The following ITFG1 variants were observed in gnomAD, a reference collection of about 807,000 sequenced individuals.
The protein encoded by ITFG1 is integrin alpha FG-GAP repeat containing 1.
In ITFG1, 34 loss-of-function variants were observed where a neutral mutation model predicts 81.8. The ratio of observed to expected loss-of-function variants is 0.42; its 90% CI spans 0.32 to 0.55. ITFG1 has a LOEUF of 0.55. Among genes scored for constraint, ITFG1 ranks in the 20% least tolerant of loss-of-function variants. The pLI, the probability that ITFG1 is intolerant of heterozygous loss-of-function variation, is 0.17. For synonymous variants in ITFG1, 285 were observed against 270.6 expected (o/e 1.05, Z -0.52); for missense variants, 672 against 755.4 (o/e 0.89, Z 1.29).
intron 13 of ITFG1, among the ~76,000 whole-genome samples, chr16:47,234,300 A>G (rs911368284): frequency 6.6e-6 from 1 of 152,218 alleles, no homozygotes; most frequent in African/African-American, 2.4e-5. Flanking sequence ...AAGCAGAGAG[A>G]TAGAAACTAA....
chr16:47,311,514 T>C, intron 9 of ITFG1, 102 bp from the exon 10 acceptor site: 1 of 860,544 alleles, frequency 1.2e-6, no homozygotes, highest in Non-Finnish European at 1.7e-6. Flanking sequence ...TAAGCATTAT[T>C]TTACTTAACT....
chr16:47,164,885 AG>A (rs1431499063), intron 14 of ITFG1, among the ~76,000 whole-genome samples: 6 of 152,234 alleles, frequency 3.9e-5, no homozygotes, highest in Non-Finnish European at 8.8e-5. Context: ...TCAGTTGAGA[AG>A]GGGGGCAGGA....
intron 8 of ITFG1, among the ~76,000 whole-genome samples, chr16:47,352,317 AG>A (rs1967971657): frequency 6.6e-6 from 1 of 152,240 alleles, no homozygotes; most frequent in Admixed American, 6.5e-5. Flanking sequence ...CATCTGACAA[AG>A]GGGTAATATC....
At chr16:47,343,440 A>T (rs1967810757) in intron 8 of ITFG1, among the ~76,000 whole-genome samples, 1 of 152,120 alleles carries the variant, frequency 6.6e-6, no homozygotes, top group Admixed American at 6.5e-5. Context: ...GTTTACATAG[A>T]TATGTTTAAA....
intron 5 of ITFG1, among the ~76,000 whole-genome samples, chr16:47,441,136 T>C (rs1211308994): frequency 1.3e-5 from 2 of 152,076 alleles, no homozygotes; most frequent in African/African-American, 4.8e-5. Flanking sequence ...CAGGAAGAAG[T>C]TGAATCTCTG....
chr16:47,388,906 C>T lies in ITFG1; in HGVS notation c.656-12966G>A, dbSNP rs752960117. Among the ~76,000 whole-genome samples the T allele has an allele frequency of 7.9e-5, 12 of 152,112 alleles. No individual in the cohort carries two copies. In the South Asian group the frequency reaches 2.1e-3, roughly 26 times the overall value. ...ATTACAGGCCCAGGAAGTTCCTGCA[C>T]GGCTGCAGGGTCACAAGACTGGTAA... On this transcript the variant is annotated intron_variant, in intron 6 of 17. Coordinates refer to ENST00000320640, the MANE Select transcript of ITFG1 (RefSeq NM_030790.5).
intron 10 of ITFG1, among the ~76,000 whole-genome samples, chr16:47,265,807 C>A (rs181177760): frequency 6.6e-6 from 1 of 152,036 alleles, no homozygotes; most frequent in African/African-American, 2.4e-5. Flanking sequence ...ACAAGCCATA[C>A]GTTGTGAGAT....
At chr16:47,282,644 T>C (rs1184268522) in intron 10 of ITFG1, among the ~76,000 whole-genome samples, 3 of 150,826 alleles carry the variant, frequency 2.0e-5, no homozygotes, top group Admixed American at 1.3e-4. Flanking sequence ...GGTAATTCTA[T>C]TTTTAGTTCT....
intron 10 of ITFG1, among the ~76,000 whole-genome samples, chr16:47,271,126 A>G (rs1219947775): frequency 6.6e-6 from 1 of 152,210 alleles, no homozygotes; most frequent in Non-Finnish European, 1.5e-5. Context: ...TAACAAAAAT[A>G]AACTTGACAT....
At position 47,155,746 on chromosome 16, in the gene ITFG1, G is replaced by C; in HGVS notation, c.1812C>G (p.Ala604=). ...ACATAGCATCAAAATGAAACCGGTGGGCTTCTTGTCGTTTTTCTCTATCAT... is the reference window on the plus strand; with the variant it reads ...ACATAGCATCAAAATGAAACCGGTGCGCTTCTTGTCGTTTTTCTCTATCAT... ...KADDREKRQE[A]HRFHFDAM is the part of the protein sequence containing the mutation. The change falls in exon 18 of 18, where the codon GCC becomes GCG. Residue 604 remains alanine, a synonymous_variant. Coordinates refer to ENST00000320640, the MANE Select transcript of ITFG1 (RefSeq NM_030790.5). 6.2e-7 allele frequency: 1 copy of C among 1,606,282 alleles called. No individual in the cohort carries two copies. The highest frequency in any genetic ancestry group is 8.5e-7 in the Non-Finnish European group (1 of 1,176,176).
intron 6 of ITFG1, among the ~76,000 whole-genome samples, chr16:47,421,012 T>C (rs1968939412): frequency 6.6e-6 from 1 of 152,176 alleles, no homozygotes; most frequent in Non-Finnish European, 1.5e-5. Flanking sequence ...ATAAAGACCT[T>C]ATATGTCTCT....
At chr16:47,322,659 C>T (rs540168212) in intron 8 of ITFG1, among the ~76,000 whole-genome samples, 40 of 152,300 alleles carry the variant, frequency 2.6e-4, no homozygotes, top group Admixed American at 2.5e-3. Context: ...CACTGCACTC[C>T]AGCCTGGGCG....
chr16:47,460,736 G>A lies in ITFG1; in HGVS notation c.208+102C>T, dbSNP rs1010191410. 12 of 1,261,814 alleles carry A rather than the reference G, an allele frequency of 9.5e-6. No homozygotes were observed. The African/African-American group carries it at 1.0e-4, about 11-fold the overall frequency. 78.2% of individuals were successfully genotyped at this position (1,261,814 alleles called of 1,614,324 possible). On this transcript the variant is annotated intron_variant, in intron 1 of 17. Transcript: ENST00000320640. ...GAAGGCCACAGGGCTGGGAGAGAAGGACCAGGAAATGCAGAAGGACCGGCC... is the reference window on the plus strand; with the variant it reads ...GAAGGCCACAGGGCTGGGAGAGAAGAACCAGGAAATGCAGAAGGACCGGCC...
intron 6 of ITFG1, among the ~76,000 whole-genome samples, chr16:47,379,490 C>T (rs188386960): frequency 6.6e-6 from 1 of 152,158 alleles, no homozygotes; most frequent in African/African-American, 2.4e-5. Flanking sequence ...GAGTTTAAGA[C>T]CAGCTTGGCC....
rs12102280 is a variant in ITFG1, at chr16:47,367,549, G to A, written c.721-1680C>T. The stretch of plus-strand genomic sequence containing the variant: ...TCTTTCAGAAGTTCTATGTTAGGAA[G>A]TGGGGACTAACGCCAAATTTGTATT... On this transcript the variant is annotated intron_variant, in intron 7 of 17. Coordinates refer to ENST00000320640, the MANE Select transcript of ITFG1 (RefSeq NM_030790.5). Among the ~76,000 whole-genome samples, 638 of 152,346 alleles carry A rather than the reference G, an allele frequency of 4.2e-3. 6 individuals are homozygous for A. Among genetic ancestry groups the A allele is most frequent in the African/African-American group, 0.015 (610 of 41,586 alleles).
chr16:47,157,995 A>G (rs1964741813), intron 17 of ITFG1, among the ~76,000 whole-genome samples: 1 of 152,176 alleles, frequency 6.6e-6, no homozygotes, highest in Non-Finnish European at 1.5e-5. Context: ...TCTTTTACAT[A>G]TTTGGGAGTT....
chr16:47,453,294 AG>A (rs1969412009), intron 3 of ITFG1, among the ~76,000 whole-genome samples: 1 of 152,234 alleles, frequency 6.6e-6, no homozygotes, highest in Non-Finnish European at 1.5e-5. Flanking sequence ...CCATGAACAA[AG>A]TTGCCTATTT....
Position 47,158,896 on chromosome 16 carries a change from C to T in ITFG1, c.1756G>A (p.Gly586Ser). The T allele has an allele frequency of 1.3e-6, 2 of 1,587,326 alleles. No homozygotes were observed. The highest frequency in any genetic ancestry group is 1.7e-6 in the Non-Finnish European group (2 of 1,162,518). Residue 586 changes from glycine to serine, a missense_variant, in exon 17 of 18, where the codon GGC (glycine) becomes AGC (serine). Physicochemically the swap from Gly to Ser is moderately conservative, Grantham distance 56. This residue lies in a region of ITFG1 where 65 missense variants were observed against 103.3 expected (regional missense o/e 0.63). Transcript: ENST00000320640. The stretch of plus-strand genomic sequence containing the variant: ...ACCTTTTCCTGCCAATGTAAAATGC[C>T]AATTATTGCCAAGATGAAAACACAG... ...GVCVFILAIIGILHWQEKKAD... is the reference protein window; with the variant it reads ...GVCVFILAIISILHWQEKKAD...
At chr16:47,351,922 C>T (rs1332363638) in intron 8 of ITFG1, among the ~76,000 whole-genome samples, 1 of 151,884 alleles carries the variant, frequency 6.6e-6, no homozygotes, top group Non-Finnish European at 1.5e-5. Flanking sequence ...CTACAACTAT[C>T]TGATATTTGA....
Sources: gnomAD v4.1 joint callset for allele counts (sites outside exome capture counted in the v4.1 genomes callset) on GRCh38, gnomAD v4.1.1 for gene constraint, gnomAD v4.1.1 regional missense constraint, MANE v1.5 for transcripts, NCBI Gene and HGNC (gene_info 2026-07-23, HGNC 2026-07-21) for gene names.